SEPTIN10: variants seen among roughly 807,000 people sequenced by gnomAD.
SEPTIN10 encodes the protein septin 10, also known as septin-10.
A neutral mutation model predicts 54.8 loss-of-function variants in SEPTIN10; 66 were observed. The observed-to-expected ratio is 1.21, with a 90% CI of 0.99 to 1.48. The LOEUF is 1.48. SEPTIN10 is among the 40% of genes most tolerant of loss of function. SEPTIN10 has a pLI of 0.00. For missense variants in SEPTIN10, 620 were observed against 545.6 expected (o/e 1.14, Z -1.36); for synonymous variants, 161 against 181.0 (o/e 0.89, Z 0.89).
At chr2:109,550,318 T>G (rs952577566) in intron 9 of SEPTIN10, among the ~76,000 whole-genome samples, 8 of 148,608 alleles carry the variant, frequency 5.4e-5, no homozygotes, top group African/African-American at 2.1e-4. Flanking sequence ...TATCTTTTTT[T>G]TTTTTGTTTT....
At chr2:109,596,260 A>T (rs116093443) in intron 1 of SEPTIN10, among the ~76,000 whole-genome samples, 1,835 of 152,282 alleles carry the variant, frequency 0.012, 18 homozygotes, top group Non-Finnish European at 0.019. Flanking sequence ...TAATGATAGC[A>T]TATCATGAGT....
At chr2:109,585,029 T>C (rs1692144690) in intron 4 of SEPTIN10, 97 bp downstream of exon 4, 1 of 586,466 alleles carries the variant, frequency 1.7e-6, no homozygotes, top group Non-Finnish European at 2.8e-6. Context: ...AAGGTATGGA[T>C]TACCATAGGA....
intron 8 of SEPTIN10, among the ~76,000 whole-genome samples, chr2:109,563,676 A>G (rs186450650): frequency 6.6e-6 from 1 of 152,360 alleles, no homozygotes; most frequent in Admixed American, 6.5e-5. Flanking sequence ...TAAAATTCTT[A>G]TAACTACACT....
intron 4 of SEPTIN10, among the ~76,000 whole-genome samples, chr2:109,575,875 A>G (rs1437458227): frequency 1.3e-5 from 2 of 152,202 alleles, no homozygotes; most frequent in African/African-American, 4.8e-5. Flanking sequence ...ACCTCTTTTA[A>G]AATTATAGAA....
At chr2:109,572,883 G>A (rs1688746199) in intron 5 of SEPTIN10, among the ~76,000 whole-genome samples, 1 of 152,034 alleles carries the variant, frequency 6.6e-6, no homozygotes, top group Non-Finnish European at 1.5e-5. Flanking sequence ...CCAAAGTGCT[G>A]GGATTACAGG....
chr2:109,574,481 A>C, intron 5 of SEPTIN10, 100 bp downstream of exon 5: 6 of 622,396 alleles, frequency 9.6e-6, no homozygotes, highest in Non-Finnish European at 1.2e-5. Context: ...AAAAAGATGC[A>C]CAGGATAAAA....
At chr2:109,603,943 C>T (rs1006622139) in intron 1 of SEPTIN10, among the ~76,000 whole-genome samples, 6 of 151,530 alleles carry the variant, frequency 4.0e-5, no homozygotes, top group Non-Finnish European at 7.4e-5. Context: ...GGGCGGATCA[C>T]GAGGTCAGGA....
At chr2:109,545,980 T>C in intron 10 of SEPTIN10, 70 bp downstream of exon 10, 1 of 1,507,766 alleles carries the variant, frequency 6.6e-7, no homozygotes, top group African/African-American at 1.4e-5. Flanking sequence ...TAAGAAGCGC[T>C]AGGAAGATCC....
chr2:109,602,901 CAAAAAAA>C (rs34841715), intron 1 of SEPTIN10, among the ~76,000 whole-genome samples: 4 of 110,396 alleles, frequency 3.6e-5, no homozygotes, highest in Non-Finnish European at 7.5e-5. Flanking sequence ...GACCCTGTCT[CAAAAAAA>C]AAAAAAAAAA....
At chr2:109,563,577 G>A (rs1335443573) in intron 8 of SEPTIN10, among the ~76,000 whole-genome samples, 2 of 152,184 alleles carry the variant, frequency 1.3e-5, no homozygotes, top group African/African-American at 4.8e-5. Context: ...GTTGCATAAA[G>A]TCTGGGATAC....
At chr2:109,564,727 T>C (rs934470179) in intron 7 of SEPTIN10, among the ~76,000 whole-genome samples, 193 bp from the exon 8 acceptor site, 7 of 152,214 alleles carry the variant, frequency 4.6e-5, no homozygotes, top group South Asian at 2.1e-4. Context: ...TACTGTATCA[T>C]AGGCAATGTG....
At chr2:109,608,939 T>C (rs1698610421) in intron 1 of SEPTIN10, among the ~76,000 whole-genome samples, 2 of 152,220 alleles carry the variant, frequency 1.3e-5, no homozygotes, top group African/African-American at 2.4e-5. Context: ...ATTAATATGG[T>C]TGAAAGCAAG....
At chr2:109,564,608 G>A (rs1235329993) in intron 7 of SEPTIN10, 74 bp from the exon 8 acceptor site, 2 of 1,271,354 alleles carry the variant, frequency 1.6e-6, no homozygotes, top group East Asian at 2.5e-5. Context: ...TTTGCTGAAT[G>A]AACAAATAAA....
At position 109,591,253 on chromosome 2, in the gene SEPTIN10, AT is replaced by A. The variant is rs1332380467; in HGVS notation, c.99+1797del. On this transcript the variant is annotated intron_variant, in intron 2 of 10. Transcript: ENST00000397712. ...GTTGTTATCTGATAGGCATATGCTT[AT>A]TACATAAAAGTTGAACTAAATGGCC... is the stretch of plus-strand genomic sequence containing the variant. Among the ~76,000 whole-genome samples, 6 of 152,354 alleles carry A rather than the reference AT, an allele frequency of 3.9e-5. No homozygotes were observed. The East Asian group carries it at 1.2e-3, about 29-fold the overall frequency.
Position 109,585,143 on chromosome 2 carries a change from T to C in SEPTIN10, c.396A>G (p.Gln132=). The change falls in exon 4 of 11, where the codon CAA becomes CAG. Residue 132 remains glutamine, a synonymous_variant. Coordinates refer to ENST00000397712, the MANE Select transcript of SEPTIN10 (RefSeq NM_144710.5). The part of the protein sequence containing the change: ...TIVNTVGFGD[Q]INKEESYQPI... ...ACACATACCTCTCTTCTTTATTTAT[T>C]TGGTCACCAAATCCCACTGTATTCA... The C allele has an allele frequency of 6.3e-7, 1 of 1,579,266 alleles. No individual in the cohort carries two copies. The highest frequency in any genetic ancestry group is 8.6e-7 in the Non-Finnish European group (1 of 1,164,996).
intron 8 of SEPTIN10, among the ~76,000 whole-genome samples, chr2:109,560,141 T>C (rs1181538009): frequency 1.3e-5 from 2 of 152,042 alleles, no homozygotes; most frequent in African/African-American, 4.8e-5. Context: ...AGGATAGTCT[T>C]GATCTCCTGA....
intron 1 of SEPTIN10, among the ~76,000 whole-genome samples, chr2:109,606,936 G>A (rs1573877369): frequency 6.6e-6 from 1 of 152,094 alleles, no homozygotes; most frequent in South Asian, 2.1e-4. Context: ...ACAGGCATGA[G>A]CCACCACGCC....
chr2:109,593,321 A>G (rs895269372), intron 1 of SEPTIN10, among the ~76,000 whole-genome samples: 2 of 152,134 alleles, frequency 1.3e-5, no homozygotes, highest in African/African-American at 4.8e-5. Flanking sequence ...AATTACATAT[A>G]ATATTCAACA....
chr2:109,567,678 T>C (rs1277530022), intron 6 of SEPTIN10, 137 bp downstream of exon 6: 4 of 819,146 alleles, frequency 4.9e-6, no homozygotes, highest in Non-Finnish European at 7.3e-6. Flanking sequence ...TTTCTCATAC[T>C]GGACTTTTTG....
Sources: allele counts gnomAD v4.1 joint callset (sites outside exome capture counted in the v4.1 genomes callset), GRCh38; gene constraint gnomAD v4.1.1; transcripts MANE v1.5; gene names NCBI Gene and HGNC (gene_info 2026-07-23, HGNC 2026-07-21).